The following IQGAP2 variants were observed in gnomAD, a reference collection of about 807,000 sequenced individuals.
The protein encoded by IQGAP2 is IQ motif containing GTPase activating protein 2, also known as ras GTPase-activating-like protein IQGAP2.
A neutral mutation model predicts 201.3 loss-of-function variants in IQGAP2; 173 were observed. The ratio of observed to expected loss-of-function variants is 0.86; its 90% CI spans 0.76 to 0.98. The LOEUF (loss-of-function observed/expected upper bound fraction) is 0.98, where lower values mean the gene tolerates loss of function less well. Among genes scored for constraint, IQGAP2 ranks in the 50% least tolerant of loss-of-function variants. IQGAP2 has a pLI of 0.00. For synonymous variants in IQGAP2, 675 were observed against 673.9 expected (o/e 1.00, Z -0.03); for missense variants, 1,687 against 1,864.8 (o/e 0.90, Z 1.76).
chr5:76,452,905 C>CT (rs71604293), intron 1 of IQGAP2, among the ~76,000 whole-genome samples: 2,603 of 106,044 alleles, frequency 0.025, 101 homozygotes, highest in East Asian at 0.034. Flanking sequence ...CAATTCCTAT[C>CT]TTTTTTTTTT....
chr5:76,522,380 G>A lies in IQGAP2; in HGVS notation c.147-40016G>A, dbSNP rs189438545. Among the ~76,000 whole-genome samples, 322 of 151,820 alleles carry A rather than the reference G, an allele frequency of 2.1e-3. 1 individual carries two copies. The highest frequency in any genetic ancestry group is 2.8e-3 in the Non-Finnish European group (189 of 67,952). On this transcript the variant is annotated intron_variant, in intron 2 of 35. Coordinates refer to ENST00000274364, the MANE Select transcript of IQGAP2 (RefSeq NM_006633.5). ...GTATTTTTAGTAGAGATGGAGTTTC[G>A]CCATGTTGGCCAGGCTGGTCTTGAA...
intron 2 of IQGAP2, among the ~76,000 whole-genome samples, chr5:76,556,412 C>A (rs1405119986): frequency 1.3e-5 from 2 of 152,134 alleles, no homozygotes; most frequent in African/African-American, 4.8e-5. Flanking sequence ...TGTGCAAGCT[C>A]CCAGCTTGCT....
chr5:76,594,033 G>A (rs1263297989), intron 9 of IQGAP2, among the ~76,000 whole-genome samples: 1 of 152,112 alleles, frequency 6.6e-6, no homozygotes, highest in Non-Finnish European at 1.5e-5. Context: ...CACATAACTG[G>A]GCTGAAAACT....
At chr5:76,445,225 G>A (rs1304325602) in intron 1 of IQGAP2, among the ~76,000 whole-genome samples, 1 of 152,178 alleles carries the variant, frequency 6.6e-6, no homozygotes, top group Admixed American at 6.5e-5. Context: ...AGGGCAGAGT[G>A]GTTAGGGAAA....
rs116276646 is a variant in IQGAP2 at position 76,404,360 on chromosome 5, C to G, written c.46+769C>G. The G allele has an allele frequency of 5.5e-3, 3,389 of 619,864 alleles. 121 individuals are homozygous for G. The African/African-American group carries it at 0.061, about 11-fold the overall frequency. 38.4% of individuals were successfully genotyped at this position (619,864 alleles called of 1,614,324 possible). On this transcript the variant is annotated intron_variant, in intron 1 of 35. Transcript: ENST00000274364. Reference sequence around the variant, plus strand: ...GTGAGTGGATGGAGCCAGATTAACACCAACCACGTGGCTTCATGTGCAGAG... The same window carrying G: ...GTGAGTGGATGGAGCCAGATTAACAGCAACCACGTGGCTTCATGTGCAGAG...
chr5:76,649,894 G>A (rs959641040), intron 17 of IQGAP2, among the ~76,000 whole-genome samples: 2 of 152,194 alleles, frequency 1.3e-5, no homozygotes, highest in Admixed American at 6.5e-5. Context: ...CCCAAACCTC[G>A]ACTTTTGCAT....
chr5:76,656,940 C>A (rs2455217), intron 20 of IQGAP2, among the ~76,000 whole-genome samples: 94,524 of 151,816 alleles, frequency 0.62, 29,666 homozygotes, highest in South Asian at 0.82. Context: ...ATCTGTTCTC[C>A]CCCTTTTATT....
Position 76,592,924 on chromosome 5 carries a change from C to T in IQGAP2, c.906C>T (p.Asn302=). The change falls in exon 9 of 36, where the codon AAC becomes AAT. Residue 302 remains asparagine, a splice_region_variant and synonymous_variant. Transcript: ENST00000274364. ...TCCAAGGCAATATTAATAAAGTCAA[C>T]AGTAAGTAATGGATCGTATGAAGGA... ...AEIQGNINKV[N]RQAAVDHINA... 6.3e-7 allele frequency: 1 copy of T among 1,586,530 alleles called. No homozygotes were observed. Among genetic ancestry groups the T allele is most frequent in the South Asian group, 1.1e-5 (1 of 90,460 alleles).
chr5:76,412,038 C>T (rs1376945785), intron 1 of IQGAP2, among the ~76,000 whole-genome samples: 1 of 152,140 alleles, frequency 6.6e-6, no homozygotes, highest in African/African-American at 2.4e-5. Flanking sequence ...CTCTCCAGGA[C>T]ACCTTACAGT....
intron 9 of IQGAP2, among the ~76,000 whole-genome samples, chr5:76,596,227 G>A (rs369048034): frequency 2.6e-5 from 4 of 152,178 alleles, no homozygotes; most frequent in South Asian, 2.1e-4. Flanking sequence ...ATCTAGTCAC[G>A]AATTAGGCAG....
At chr5:76,662,097 A>G (rs3797443) in intron 21 of IQGAP2, among the ~76,000 whole-genome samples, 43,959 of 152,170 alleles carry the variant, frequency 0.29, 6,508 homozygotes, top group East Asian at 0.39. Context: ...TCTTGTGTCC[A>G]TCTTCAAGCT....
chr5:76,623,412 C>A (rs1338443835), intron 13 of IQGAP2: 22 of 625,002 alleles, frequency 3.5e-5, no homozygotes, highest in Middle Eastern at 4.3e-4. Flanking sequence ...AGGATGTAAT[C>A]CACTCGATGC....
intron 30 of IQGAP2, among the ~76,000 whole-genome samples, chr5:76,689,230 T>TAAAAAAAAAAAAAAAAAAA (rs11424254): frequency 1.2e-5 from 1 of 86,492 alleles, no homozygotes; most frequent in African/African-American, 4.7e-5. Context: ...CAGGGATATT[T>TAAAAAAAAAAAAAAAAAAA]AAAAAAAAAA....
intron 13 of IQGAP2, chr5:76,618,522 G>T: frequency 1.2e-6 from 2 of 1,614,116 alleles, no homozygotes; most frequent in South Asian, 1.1e-5. Flanking sequence ...AGTAATCGTG[G>T]CTCCTGTCCA....
chr5:76,418,089 C>A (rs575008907), intron 1 of IQGAP2, among the ~76,000 whole-genome samples: 54 of 151,456 alleles, frequency 3.6e-4, no homozygotes, highest in Middle Eastern at 3.4e-3. Context: ...CACCTGTAAT[C>A]CCAGCTACTC....
In IQGAP2 at chr5:76,573,257, A is replaced by G. The variant is rs551460785; in HGVS notation, c.382-2436A>G. Among the ~76,000 whole-genome samples, 205 of 152,368 alleles carry G rather than the reference A, an allele frequency of 1.3e-3. 3 individuals carry two copies. In the South Asian group the frequency reaches 0.042, roughly 31 times the overall value. On this transcript the variant is annotated intron_variant, in intron 4 of 35. Coordinates refer to ENST00000274364, the MANE Select transcript of IQGAP2 (RefSeq NM_006633.5). ...TATTTAGGGCCAAACAAGTGGTGTT[A>G]TAGAGCAGATTTTATTTTAACATTG...
intron 2 of IQGAP2, among the ~76,000 whole-genome samples, chr5:76,467,723 C>T (rs1035094656): frequency 2.0e-5 from 3 of 152,078 alleles, no homozygotes; most frequent in African/African-American, 7.2e-5. Flanking sequence ...TGACAAAAAG[C>T]AGAAACAATC....
intron 2 of IQGAP2, among the ~76,000 whole-genome samples, chr5:76,506,010 T>C (rs1757590105): frequency 6.6e-6 from 1 of 152,156 alleles, no homozygotes; most frequent in Non-Finnish European, 1.5e-5. Flanking sequence ...GATACTGTGC[T>C]AGGTTTGGAG....
rs188663657 is a variant in IQGAP2, at chr5:76,657,831, C to T, written c.2321-628C>T. ...CAGGGGCTGACCCCTAGATTCTGAGCACCCTCCCTTGGCCGGTGCTCAAAG... is the reference window on the plus strand; with the variant it reads ...CAGGGGCTGACCCCTAGATTCTGAGTACCCTCCCTTGGCCGGTGCTCAAAG... On this transcript the variant is annotated intron_variant, in intron 20 of 35. Transcript: ENST00000274364. Among the ~76,000 whole-genome samples, 827 of 152,310 alleles carry T rather than the reference C, an allele frequency of 5.4e-3. 6 individuals carry two copies. Among genetic ancestry groups the T allele is most frequent in the African/African-American group, 0.019 (769 of 41,556 alleles).
Sources: allele counts gnomAD v4.1 joint callset (sites outside exome capture counted in the v4.1 genomes callset), GRCh38; gene constraint gnomAD v4.1.1; transcripts MANE v1.5; gene names NCBI Gene and HGNC (gene_info 2026-07-23, HGNC 2026-07-21).